CAST: variants seen among roughly 807,000 people sequenced by gnomAD.
CAST encodes the protein MIR583 host.
A neutral mutation model predicts 119.6 loss-of-function variants in CAST; 76 were observed. The observed-to-expected ratio is 0.64, with a 90% CI of 0.53 to 0.77. CAST has a LOEUF of 0.77. Ranked by LOEUF, CAST falls within the 30% of genes least tolerant of loss-of-function variation. The pLI, the probability that CAST is intolerant of heterozygous loss-of-function variation, is 0.00. For synonymous variants in CAST, 319 were observed against 331.6 expected, an observed-to-expected ratio of 0.96 and a Z score of 0.41; for missense variants, 953 against 946.5, an observed-to-expected ratio of 1.01 and a Z score of -0.09.
At chr5:96,106,628 G>C in the CAST span, among the ~76,000 whole-genome samples, 1 of 147,442 alleles carries the variant, frequency 6.8e-6, no homozygotes. Context: ...TTGCTGAGGA[G>C]AGCTTTACTT....
At chr5:96,180,806 T>C in the CAST span, among the ~76,000 whole-genome samples, 60 of 152,310 alleles carry the variant, frequency 3.9e-4, no homozygotes, top group African/African-American at 1.4e-3. Flanking sequence ...ATGTAAACAG[T>C]GGATGCAAGA....
At chr5:96,769,191 C>T (rs181906751) in intron 29 of CAST, 2 of 152,330 alleles carry the variant, frequency 1.3e-5, no homozygotes, top group South Asian at 2.1e-4. Context: ...GCACTGCTCT[C>T]GATCACTGAA....
At chr5:96,651,915 A>G (rs1478878600) in intron 1 of CAST, among the ~76,000 whole-genome samples, 2 of 152,224 alleles carry the variant, frequency 1.3e-5, no homozygotes, top group African/African-American at 4.8e-5. Context: ...GAATAAAGAC[A>G]CACATATTTA....
intron 3 of CAST, among the ~76,000 whole-genome samples, chr5:96,710,881 G>A (rs1755990871): frequency 1.3e-5 from 2 of 150,844 alleles, no homozygotes; most frequent in Admixed American, 6.6e-5. Flanking sequence ...AAAAAAAAAA[G>A]TCTGTCCTCT....
At chr5:96,655,117 A>C (rs1748141095) in intron 1 of CAST, among the ~76,000 whole-genome samples, 1 of 152,264 alleles carries the variant, frequency 6.6e-6, no homozygotes, top group Non-Finnish European at 1.5e-5. Context: ...ATGGAATAGA[A>C]ACCTTTCAAG....
chr5:96,319,770 A>C, the CAST span, among the ~76,000 whole-genome samples: 1 of 152,036 alleles, frequency 6.6e-6, no homozygotes, highest in Non-Finnish European at 1.5e-5. Context: ...GTTATTTGAG[A>C]AAGTCCATGC....
intron 1 of CAST, among the ~76,000 whole-genome samples, chr5:96,565,321 G>T (rs188832084): frequency 9.9e-5 from 15 of 151,836 alleles, no homozygotes; most frequent in Admixed American, 3.3e-4. Context: ...ATGCTACTTA[G>T]CCTGATTTGA....
chr5:96,423,489 A>G, the CAST span: 2 of 1,610,904 alleles, frequency 1.2e-6, no homozygotes, highest in African/African-American at 1.3e-5. Context: ...AAGCATTGAT[A>G]AAATTATCAT....
At chr5:96,205,238 CATTTTCATTTTGA>C in the CAST span, among the ~76,000 whole-genome samples, 2 of 152,030 alleles carry the variant, frequency 1.3e-5, no homozygotes, top group Non-Finnish European at 2.9e-5. Flanking sequence ...GCAGAGCAAA[CATTTTCATTTTGA>C]TGAAGCCCAC....
chr5:96,066,303 CTT>C, the CAST span, among the ~76,000 whole-genome samples: 3 of 152,072 alleles, frequency 2.0e-5, no homozygotes, highest in Non-Finnish European at 2.9e-5. Flanking sequence ...TCTCTTATCT[CTT>C]ATGATTTCTG....
chr5:96,728,853 T>C (rs981524825), intron 6 of CAST: 4 of 285,306 alleles, frequency 1.4e-5, no homozygotes, highest in Non-Finnish European at 2.7e-5. Flanking sequence ...TCTGTGTACA[T>C]TTGTGAAAAA....
At chr5:96,181,710 C>T in the CAST span, among the ~76,000 whole-genome samples, 2 of 152,044 alleles carry the variant, frequency 1.3e-5, no homozygotes, top group African/African-American at 4.8e-5. Flanking sequence ...GTTATTTCTT[C>T]ATTAGGGGAA....
At chr5:96,144,350 G>A in the CAST span, among the ~76,000 whole-genome samples, 2 of 152,198 alleles carry the variant, frequency 1.3e-5, no homozygotes, top group East Asian at 3.9e-4. Flanking sequence ...TGACCAAAAC[G>A]GAGTTTGAGA....
intron 1 of CAST, among the ~76,000 whole-genome samples, chr5:96,610,120 C>A (rs1269414508): frequency 2.0e-5 from 3 of 152,182 alleles, no homozygotes; most frequent in Non-Finnish European, 4.4e-5. Flanking sequence ...ATAAGTCTCA[C>A]AAGATCTGAT....
chr5:95,991,822 T>G, the CAST span, among the ~76,000 whole-genome samples: 1 of 152,090 alleles, frequency 6.6e-6, no homozygotes, highest in Admixed American at 6.6e-5. Context: ...ATATTTTATA[T>G]TTCAAAATTG....
the CAST span, among the ~76,000 whole-genome samples, chr5:96,337,307 GAAA>G: frequency 6.6e-6 from 1 of 150,498 alleles, no homozygotes; most frequent in African/African-American, 2.5e-5. Flanking sequence ...AATCAAGAGA[GAAA>G]AAAAAGGAAG....
upstream of CAST, among the ~76,000 whole-genome samples, chr5:96,657,358 T>G (rs1339324007): frequency 6.6e-6 from 1 of 152,144 alleles, no homozygotes; most frequent in Non-Finnish European, 1.5e-5. Flanking sequence ...CTACATGCCT[T>G]CTGGATAGGC....
At chr5:96,002,930 T>C in the CAST span, among the ~76,000 whole-genome samples, 1 of 152,222 alleles carries the variant, frequency 6.6e-6, no homozygotes, top group African/African-American at 2.4e-5. Context: ...ACATTCACTT[T>C]CTTAGTATTT....
the CAST span, among the ~76,000 whole-genome samples, chr5:96,438,639 A>G: frequency 1.3e-5 from 2 of 152,080 alleles, no homozygotes; most frequent in Non-Finnish European, 2.9e-5. Context: ...ATGTTATGTC[A>G]TTTTCATTGA....
Sources: allele counts gnomAD v4.1 joint callset (sites outside exome capture counted in the v4.1 genomes callset), GRCh38; gene constraint gnomAD v4.1.1; transcripts MANE v1.5; gene names NCBI Gene and HGNC (gene_info 2026-07-23, HGNC 2026-07-21).